Variants in TTC39B observed in about 807,000 individuals in gnomAD.
The protein encoded by TTC39B is tetratricopeptide repeat domain 39B.
A neutral mutation model predicts 96.6 loss-of-function variants in TTC39B; 92 were observed. That is an observed-to-expected ratio of 0.95 (90% CI 0.80 to 1.13). The LOEUF (loss-of-function observed/expected upper bound fraction) is 1.13, where lower values mean the gene tolerates loss of function less well. Ranked by LOEUF, TTC39B falls within the 50% of genes most tolerant of loss-of-function variation. The probability of loss-of-function intolerance (pLI) is 0.00; values close to 1 mark genes in which losing one functional copy is unlikely to be tolerated. For missense variants in TTC39B, 955 were observed against 809.3 expected (o/e 1.18, Z -2.18); for synonymous variants, 367 against 299.4 (o/e 1.23, Z -2.33).
At chr9:15,218,900 C>T (rs1820683490) in intron 3 of TTC39B, among the ~76,000 whole-genome samples, 1 of 151,986 alleles carries the variant, frequency 6.6e-6, no homozygotes, top group African/African-American at 2.4e-5. Context: ...TGCAGCCTCC[C>T]AAGGCCATTT....
chr9:15,257,070 G>A (rs534688581), intron 2 of TTC39B, among the ~76,000 whole-genome samples: 30 of 152,224 alleles, frequency 2.0e-4, no homozygotes, highest in Admixed American at 1.3e-3. Context: ...GTTACTGGAC[G>A]GATATTATTA....
At chr9:15,219,289 A>G (rs551331031) in intron 3 of TTC39B, among the ~76,000 whole-genome samples, 5 of 152,270 alleles carry the variant, frequency 3.3e-5, no homozygotes, top group Admixed American at 3.3e-4. Context: ...ATTTATATAT[A>G]TTGAGGCATT....
intron 1 of TTC39B, among the ~76,000 whole-genome samples, chr9:15,301,287 C>G (rs765410623): frequency 6.6e-6 from 1 of 152,196 alleles, no homozygotes; most frequent in Non-Finnish European, 1.5e-5. Flanking sequence ...ATATGACCTT[C>G]CTACCTAAAA....
In TTC39B at chr9:15,306,688, C is replaced by G. The variant is rs569727401; in HGVS notation, c.240+396G>C. Among the ~76,000 whole-genome samples, 1 of 152,326 alleles carries G rather than the reference C, an allele frequency of 6.6e-6. No individual in the cohort carries two copies. The highest frequency in any genetic ancestry group is 1.9e-4 in the East Asian group (1 of 5,174). On this transcript the variant is annotated intron_variant, in intron 1 of 19. Coordinates refer to ENST00000512701, the Ensembl canonical transcript of TTC39B. This position sits in a 1 kb window ranked among gnomAD's most constrained non-coding sequence, Gnocchi z 5.1. ...AGGTCGAGGGATGATTCCACGAACA[C>G]CCAGAGAGCCAGTGCCAGGACTTCA... is the stretch of plus-strand genomic sequence containing the variant.
At chr9:15,176,584 G>A (rs1197196861) in intron 18 of TTC39B, among the ~76,000 whole-genome samples, 2 of 152,122 alleles carry the variant, frequency 1.3e-5, no homozygotes, top group Non-Finnish European at 2.9e-5. Flanking sequence ...GTTTTGGCTT[G>A]CAGAATATTT....
chr9:15,174,962 C>G, intron 19 of TTC39B, 57 bp downstream of exon 19: 1 of 1,034,632 alleles, frequency 9.7e-7, no homozygotes, highest in South Asian at 1.3e-5. Flanking sequence ...GTTGTTAGAG[C>G]AGTACTGACA....
chr9:15,193,314 A>G (rs1048826752), intron 8 of TTC39B, among the ~76,000 whole-genome samples: 4 of 152,244 alleles, frequency 2.6e-5, no homozygotes, highest in African/African-American at 9.6e-5. Flanking sequence ...CAAAAGGCAA[A>G]TATTTAACCA....
intron 8 of TTC39B, among the ~76,000 whole-genome samples, chr9:15,199,264 A>T (rs1819367258): frequency 1.3e-5 from 2 of 152,246 alleles, no homozygotes; most frequent in South Asian, 2.1e-4. Flanking sequence ...CTATAATTTT[A>T]AATTTATAAA....
At chr9:15,280,699 C>A (rs898381430) in intron 1 of TTC39B, among the ~76,000 whole-genome samples, 1 of 152,168 alleles carries the variant, frequency 6.6e-6, no homozygotes, top group African/African-American at 2.4e-5. Flanking sequence ...GGAAAAGGGG[C>A]CAGCAGGGGA....
At chr9:15,261,957 C>T in intron 2 of TTC39B, among the ~76,000 whole-genome samples, 1 of 152,162 alleles carries the variant, frequency 6.6e-6, no homozygotes, top group East Asian at 1.9e-4. Flanking sequence ...AAGCAAGAAA[C>T]TATAGCTAAT....
chr9:15,292,460 C>T (rs1453026491), intron 1 of TTC39B, among the ~76,000 whole-genome samples: 3 of 152,138 alleles, frequency 2.0e-5, no homozygotes, highest in African/African-American at 7.2e-5. Flanking sequence ...ACAACTGTTA[C>T]TGGTTTATGT....
chr9:15,274,639 T>C (rs1248124610), intron 1 of TTC39B, among the ~76,000 whole-genome samples: 1 of 152,036 alleles, frequency 6.6e-6, no homozygotes, highest in African/African-American at 2.4e-5. Context: ...ACATTCCAAG[T>C]CCCCACCTGT....
In TTC39B at chr9:15,171,987, A is replaced by G. The variant is rs756642508; in HGVS notation, c.*32T>C. ...GAATCTATAGCAGATGCCGATGCTA[A>G]TTGAGGAAAAATTCCATCCTTCAAG... On this transcript the variant is annotated 3_prime_UTR_variant, in exon 20 of 20. Transcript: ENST00000512701. The G allele has an allele frequency of 2.6e-6, 4 of 1,542,126 alleles. No individual in the cohort carries two copies. The South Asian group carries it at 4.5e-5, about 17-fold the overall frequency.
At chr9:15,194,510 C>G (rs952623194) in intron 8 of TTC39B, among the ~76,000 whole-genome samples, 1 of 152,002 alleles carries the variant, frequency 6.6e-6, no homozygotes, top group Non-Finnish European at 1.5e-5. Context: ...TTCAAAAAAC[C>G]CTGTGGTTCA....
intron 1 of TTC39B, among the ~76,000 whole-genome samples, chr9:15,292,886 G>C (rs1475392477): frequency 6.6e-6 from 1 of 152,210 alleles, no homozygotes; most frequent in Non-Finnish European, 1.5e-5. Flanking sequence ...AAGCAAAAAA[G>C]TTCCATTAAT....
chr9:15,192,753 T>C, intron 8 of TTC39B, 58 bp from the exon 9 acceptor site: 1 of 1,198,120 alleles, frequency 8.3e-7, no homozygotes, highest in Non-Finnish European at 1.2e-6. Flanking sequence ...AAATAAATAT[T>C]AAATCAAATT....
At chr9:15,278,452 C>T (rs1176683948) in intron 1 of TTC39B, among the ~76,000 whole-genome samples, 1 of 152,150 alleles carries the variant, frequency 6.6e-6, no homozygotes, top group Non-Finnish European at 1.5e-5. Context: ...TAAGTTACTG[C>T]TTTTATGGCT....
At chr9:15,171,500 C>T (rs142522942) in exon 20 of TTC39B, 5 of 152,426 alleles carry the variant, frequency 3.3e-5, no homozygotes, top group South Asian at 4.1e-4. Context: ...TACATTATAT[C>T]GATCCGTGTT....
At chr9:15,167,055 G>T (rs1588823373) in exon 20 of TTC39B, 3 of 6,472 alleles carry the variant, frequency 4.6e-4, no homozygotes, top group East Asian at 7.2e-3. Context: ...TTTTTTTTTT[G>T]AGACAGGGTC....
Sources: allele counts gnomAD v4.1 joint callset (sites outside exome capture counted in the v4.1 genomes callset), GRCh38; gene constraint gnomAD v4.1.1; non-coding constraint Gnocchi (gnomAD v3.1); transcripts MANE v1.5; gene names NCBI Gene and HGNC (gene_info 2026-07-23, HGNC 2026-07-21).